CTSB: variants seen among roughly 807,000 people sequenced by gnomAD.
CTSB encodes the protein APP secretase.
Under a neutral mutation model 44.3 loss-of-function variants are expected in CTSB, and 57 were observed. That is an observed-to-expected ratio of 1.29 (90% CI 1.04 to 1.60). CTSB has a LOEUF of 1.60. Among genes scored for constraint, CTSB ranks in the 40% most tolerant of loss-of-function variants. The pLI is 0.00. For missense variants in CTSB, 768 were observed against 443.0 expected (o/e 1.73, Z -6.59); for synonymous variants, 320 against 168.0 (o/e 1.91, Z -7.00).
At position 11,844,001 on chromosome 8, in the gene CTSB, C is replaced by G. The variant is rs955110922; in HGVS notation, c.*1124G>C. On this transcript the variant is annotated 3_prime_UTR_variant, in exon 10 of 10. Coordinates refer to ENST00000353047, the MANE Select transcript of CTSB (RefSeq NM_001908.5). ...TGAGCTGAGAAGGCGCCACTGCACT[C>G]CAGCCTGGGAGACGGAATCTCACTC... The G allele has an allele frequency of 2.6e-5, 4 of 151,890 alleles. No individual in the cohort carries two copies. The highest frequency in any genetic ancestry group is 9.7e-5 in the African/African-American group (4 of 41,142). The allele number at this position is 151,890 out of a possible 1,614,324, so 9.4% of individuals were successfully genotyped here. A position where few individuals can be genotyped will look rare whatever the true frequency, so the allele number is the denominator to read the frequency against.
At chr8:11,849,489 G>C (rs563017481) in intron 4 of CTSB, 18 of 198,384 alleles carry the variant, frequency 9.1e-5, no homozygotes, top group Non-Finnish European at 1.4e-4. Flanking sequence ...TTTAAAGCAA[G>C]AGAAGCACCC....
At chr8:11,855,150 G>A (rs530044082) in intron 1 of CTSB, among the ~76,000 whole-genome samples, 1 of 152,240 alleles carries the variant, frequency 6.6e-6, no homozygotes, top group East Asian at 1.9e-4. Flanking sequence ...AGCTTCCCGA[G>A]CAGCGGGATT....
chr8:11,849,095 C>T lies in CTSB; in HGVS notation c.397G>A (p.Val133Met), dbSNP rs753225702. 1.9e-6 allele frequency: 3 copies of T among 1,613,574 alleles called. No individual in the cohort carries two copies. Among genetic ancestry groups the T allele is most frequent in the Non-Finnish European group, 2.5e-6 (3 of 1,179,898 alleles). ...IHTNAHVSVE[V>M]SAEDLLTCCG... is the part of the protein sequence containing the mutation. ...CATGTGAGCAGGTCCTCCGCCGACACCTCCACGCTGACGTGCGCATTGGTG... is the reference window on the plus strand; with the variant it reads ...CATGTGAGCAGGTCCTCCGCCGACATCTCCACGCTGACGTGCGCATTGGTG... Residue 133 changes from valine to methionine, a missense_variant, in exon 5 of 10, where the codon GTG becomes ATG. By Grantham distance (21) the Val-to-Met change is conservative. Transcript: ENST00000353047.
chr8:11,847,917 G>C (rs56256036), intron 6 of CTSB, 95 bp from the exon 7 acceptor site: 4 of 1,449,864 alleles, frequency 2.8e-6, no homozygotes, highest in Non-Finnish European at 2.8e-6. Flanking sequence ...TGGACGCCAG[G>C]CAGGTCCTGC....
Position 11,860,203 on chromosome 8 carries a change from T to C in CTSB, c.-25-6724A>G, listed in dbSNP as rs118077488. Among the ~76,000 whole-genome samples the C allele has an allele frequency of 1.9e-3, 283 of 152,358 alleles. 1 individual carries two copies. The highest frequency in any genetic ancestry group is 2.5e-3 in the Non-Finnish European group (170 of 68,038). On this transcript the variant is annotated intron_variant, in intron 1 of 9. Transcript: ENST00000353047. ...AAAATTTCCAAATAAGCCAAGTTGC[T>C]AGCTCCTGGCTGATAGACAAAAAAA...
chr8:11,845,954 T>C (rs566414798), intron 8 of CTSB, among the ~76,000 whole-genome samples, 165 bp from the exon 9 acceptor site: 7 of 152,334 alleles, frequency 4.6e-5, no homozygotes, highest in Non-Finnish European at 7.3e-5. Context: ...TACTGGGGAA[T>C]TAAATATATT....
At chr8:11,847,391 C>T (rs1185600675) in intron 7 of CTSB, among the ~76,000 whole-genome samples, 4 of 152,056 alleles carry the variant, frequency 2.6e-5, no homozygotes, top group African/African-American at 7.2e-5. Flanking sequence ...CACGAGGCCC[C>T]GGAAGAGGCC....
chr8:11,863,144 C>T (rs1488697637), intron 1 of CTSB, among the ~76,000 whole-genome samples: 1 of 152,088 alleles, frequency 6.6e-6, no homozygotes, highest in African/African-American at 2.4e-5. Flanking sequence ...GACCTCGTCT[C>T]TATATAGAAA....
chr8:11,845,686 G>C lies in CTSB; in HGVS notation c.897C>G (p.Ser299=), dbSNP rs147857910. The part of the protein sequence containing the change: ...NGTPYWLVAN[S]WNTDWGDNGF... ...CATTGTCACCCCAGTCAGTGTTCCAGGAGTTGGCAACCAGCCAGTAGGGTG... is the reference window on the plus strand; with the variant it reads ...CATTGTCACCCCAGTCAGTGTTCCACGAGTTGGCAACCAGCCAGTAGGGTG... The change falls in exon 9 of 10, where the codon TCC becomes TCG. Residue 299 remains serine (S), a synonymous_variant. Coordinates refer to ENST00000353047, the MANE Select transcript of CTSB (RefSeq NM_001908.5). The C allele has an allele frequency of 4.3e-6, 7 of 1,613,996 alleles. No homozygotes were observed. Among genetic ancestry groups the C allele is most frequent in the South Asian group, 1.1e-5 (1 of 91,066 alleles).
At chr8:11,860,642 C>CAAAACA (rs1344976240) in intron 1 of CTSB, among the ~76,000 whole-genome samples, 61 of 152,116 alleles carry the variant, frequency 4.0e-4, no homozygotes, top group East Asian at 7.7e-4. Context: ...CAAAACAAAA[C>CAAAACA]AAAACAAAAA....
intron 1 of CTSB, chr8:11,861,231 G>C (rs182496873): frequency 6.1e-4 from 93 of 152,528 alleles, no homozygotes; most frequent in African/African-American, 2.2e-3. Flanking sequence ...CTGTAGCCCC[G>C]AAGCAACTGA....
intron 1 of CTSB, among the ~76,000 whole-genome samples, chr8:11,857,535 G>A (rs559972024): frequency 1.3e-5 from 2 of 152,124 alleles, no homozygotes; most frequent in Non-Finnish European, 2.9e-5. Context: ...GCGTTTCCAT[G>A]GCAACTTGAA....
rs368762480 is a variant in CTSB at position 11,849,185 on chromosome 8, G to C, written c.328-21C>G. ...AAGGCCTGCAGGAACGAGCCCCACC[G>C]GGTGAGGCTGCCATGTCCGGGCTGG... is the stretch of plus-strand genomic sequence containing the variant. On this transcript the variant is annotated intron_variant, in intron 4 of 9. Coordinates refer to ENST00000353047, the MANE Select transcript of CTSB (RefSeq NM_001908.5). 3.8e-6 allele frequency: 6 copies of C among 1,597,666 alleles called. No individual in the cohort carries two copies. In the African/African-American group the frequency reaches 4.0e-5, roughly 11 times the overall value.
chr8:11,864,727 G>A (rs578075764), intron 1 of CTSB, among the ~76,000 whole-genome samples: 11 of 151,956 alleles, frequency 7.2e-5, no homozygotes, highest in East Asian at 3.9e-4. Flanking sequence ...GAGGCGAGGC[G>A]GGCAGATCAT....
chr8:11,847,677 A>C lies in CTSB; in HGVS notation c.676+2T>G. The C allele has an allele frequency of 3.2e-6, 5 of 1,541,010 alleles. No homozygotes were observed. The highest frequency in any genetic ancestry group is 4.4e-6 in the Non-Finnish European group (5 of 1,147,348). On this transcript the variant is annotated splice_donor_variant, in intron 7 of 9. Coordinates refer to ENST00000353047, the MANE Select transcript of CTSB (RefSeq NM_001908.5). LOFTEE classifies it high-confidence loss of function. ...GCCGTGGCCAGGCCCCAGGCCCCTTACCGTAGTGCTTGTCCTGTTTGTAGG... is the reference window on the plus strand; with the variant it reads ...GCCGTGGCCAGGCCCCAGGCCCCTTCCCGTAGTGCTTGTCCTGTTTGTAGG...
intron 3 of CTSB, among the ~76,000 whole-genome samples, chr8:11,851,944 G>A (rs554888760): frequency 1.0e-3 from 154 of 152,328 alleles, no homozygotes; most frequent in African/African-American, 3.7e-3. Context: ...TGGGATTACA[G>A]GCGTGAGCCA....
intron 1 of CTSB, among the ~76,000 whole-genome samples, chr8:11,856,150 G>A (rs1035749874): frequency 6.6e-6 from 1 of 152,124 alleles, no homozygotes; most frequent in East Asian, 1.9e-4. Flanking sequence ...GCAGGGCTTA[G>A]GAAGTGGGGA....
At chr8:11,846,569 A>C (rs559870474) in intron 8 of CTSB, among the ~76,000 whole-genome samples, 1 of 152,330 alleles carries the variant, frequency 6.6e-6, no homozygotes, top group African/African-American at 2.4e-5. Flanking sequence ...TACCCAGGGC[A>C]AGGTCCTCCC....
In CTSB at chr8:11,850,749, CAGA is replaced by C. The variant is rs1035905508; in HGVS notation, c.327+114_327+116del. 6 of 630,034 alleles carry C rather than the reference CAGA, an allele frequency of 9.5e-6. No individual in the cohort carries two copies. In the African/African-American group the frequency reaches 1.1e-4, roughly 12 times the overall value. The allele number at this position is 630,034 out of a possible 1,614,324, so 39.0% of individuals were successfully genotyped here. On this transcript the variant is annotated intron_variant, in intron 4 of 9. Coordinates refer to ENST00000353047, the MANE Select transcript of CTSB (RefSeq NM_001908.5). ...TTTTGTACTGATGGAAACTGGGACT[CAGA>C]AAGTTTCTATAACTTGCCTTGTCAG...
Sources: allele counts gnomAD v4.1 joint callset (sites outside exome capture counted in the v4.1 genomes callset), GRCh38; gene constraint gnomAD v4.1.1; transcripts MANE v1.5; gene names NCBI Gene and HGNC (gene_info 2026-07-23, HGNC 2026-07-21).